PGAP4: variants seen among roughly 807,000 people sequenced by gnomAD.
PGAP4 encodes the protein GPI-N-acetylgalactosamine transferase PGAP4.
PGAP4 carries 12 observed loss-of-function variants against 28.2 expected under a neutral mutation model. The ratio of observed to expected loss-of-function variants is 0.42; its 90% CI spans 0.27 to 0.69. PGAP4 has a LOEUF of 0.69. Ranked by LOEUF, PGAP4 falls within the 30% of genes least tolerant of loss-of-function variation. The pLI, the probability that PGAP4 is intolerant of heterozygous loss-of-function variation, is 0.22. For synonymous variants in PGAP4, 205 were observed against 211.8 expected, an observed-to-expected ratio of 0.97 and a Z score of 0.28; for missense variants, 425 against 513.5, an observed-to-expected ratio of 0.83 and a Z score of 1.67.
chr9:101,492,384 A>G lies in PGAP4; in HGVS notation c.-164-3184T>C, dbSNP rs541824161. Among the ~76,000 whole-genome samples, 24 of 152,010 alleles carry G rather than the reference A, an allele frequency of 1.6e-4. 1 individual carries two copies. Among genetic ancestry groups the G allele is most frequent in the Admixed American group, 7.2e-4 (11 of 15,250 alleles). On this transcript the variant is annotated intron_variant, in intron 2 of 3. Coordinates refer to the PGAP4 transcript ENST00000374851. ...ATTTTTTGTATTTTTAGTAGAGACC[A>G]GGTTTCACTGTGTTAGCCAGGATGG...
rs1177246406 is a variant in PGAP4, at chr9:101,474,168, T to C, written c.*1713A>G. 6.6e-6 allele frequency: 1 copy of C among 152,240 alleles called. No individual in the cohort carries two copies. Among genetic ancestry groups the C allele is most frequent in the Non-Finnish European group, 1.5e-5 (1 of 68,044 alleles). 9.4% of individuals were successfully genotyped at this position (152,240 alleles called of 1,614,324 possible). A position where few individuals can be genotyped will look rare whatever the true frequency, so the allele number is the denominator to read the frequency against. On this transcript the variant is annotated 3_prime_UTR_variant, in exon 2 of 2. Coordinates refer to ENST00000374848, the MANE Select transcript of PGAP4 (RefSeq NM_032342.3). ...AGTCAGAAGAGCTCCGTTCCCATTT[T>C]GGCTATGCTGCTGTTCAGGTTTGTG...
At chr9:101,503,291 TG>T (rs35914156) in intron 2 of PGAP4, among the ~76,000 whole-genome samples, 3 of 152,078 alleles carry the variant, frequency 2.0e-5, no homozygotes, top group Non-Finnish European at 4.4e-5. Context: ...TTGGTCACCA[TG>T]GAGCCTCAAT....
intron 2 of PGAP4, among the ~76,000 whole-genome samples, chr9:101,498,557 T>G (rs1826771755): frequency 6.6e-6 from 1 of 151,814 alleles, no homozygotes. Flanking sequence ...CAGTGAGTTT[T>G]ATTTCACCAC....
At chr9:101,530,627 G>T (rs1827080069) in intron 2 of PGAP4, among the ~76,000 whole-genome samples, 1 of 152,200 alleles carries the variant, frequency 6.6e-6, no homozygotes, top group Admixed American at 6.5e-5. Context: ...GGTCAGAAAT[G>T]AATGGGGAAT....
intron 2 of PGAP4, among the ~76,000 whole-genome samples, chr9:101,516,229 A>T (rs1234022854): frequency 6.6e-6 from 1 of 152,034 alleles, no homozygotes; most frequent in South Asian, 2.1e-4. Context: ...TAAATTCGTG[A>T]TGATATTCCC....
At chr9:101,516,847 G>A (rs1705923182) in intron 2 of PGAP4, among the ~76,000 whole-genome samples, 2 of 152,012 alleles carry the variant, frequency 1.3e-5, no homozygotes, top group South Asian at 4.2e-4. Context: ...GTTATCACTG[G>A]GAGACAATGA....
chr9:101,516,112 G>T (rs1307436980), intron 2 of PGAP4, among the ~76,000 whole-genome samples: 2 of 152,156 alleles, frequency 1.3e-5, no homozygotes, highest in East Asian at 3.9e-4. Flanking sequence ...AATAATGCTT[G>T]CTTTCTTTAC....
intron 2 of PGAP4, among the ~76,000 whole-genome samples, chr9:101,510,385 T>G (rs1826886626): frequency 6.7e-6 from 1 of 148,384 alleles, no homozygotes; most frequent in African/African-American, 2.5e-5. Flanking sequence ...ATGTTCATGT[T>G]TTTTTTTTCT....
chr9:101,484,259 C>G (rs1007027126), intron 1 of PGAP4, among the ~76,000 whole-genome samples: 2 of 150,394 alleles, frequency 1.3e-5, no homozygotes, highest in Non-Finnish European at 3.0e-5. Flanking sequence ...GGAAAGAAGA[C>G]AGAAAGAGAG....
At chr9:101,527,488 T>C (rs1007884591) in intron 2 of PGAP4, among the ~76,000 whole-genome samples, 3 of 152,140 alleles carry the variant, frequency 2.0e-5, no homozygotes, top group Admixed American at 2.0e-4. Flanking sequence ...CCCTTATTGA[T>C]CCTAGAATAA....
chr9:101,491,429 G>A (rs1293342740), upstream of PGAP4, among the ~76,000 whole-genome samples: 11 of 152,070 alleles, frequency 7.2e-5, no homozygotes, highest in Admixed American at 2.6e-4. Context: ...AGCAAAATCA[G>A]CACATTATTG....
At chr9:101,482,173 C>T (rs1192927099) in intron 1 of PGAP4, among the ~76,000 whole-genome samples, 6 of 152,208 alleles carry the variant, frequency 3.9e-5, no homozygotes, top group Non-Finnish European at 8.8e-5. Context: ...TTCAACCAGG[C>T]GCGGTGGCTC....
In PGAP4 at chr9:101,487,063, G is replaced by A. The variant is rs1826634664; in HGVS notation, c.-192C>T. 1.3e-5 allele frequency: 2 copies of A among 152,358 alleles called. No homozygotes were observed. The highest frequency in any genetic ancestry group is 1.5e-5 in the Non-Finnish European group (1 of 68,136). The allele number at this position is 152,358 out of a possible 1,614,324, so 9.4% of individuals were successfully genotyped here. On this transcript the variant is annotated 5_prime_UTR_variant, in exon 1 of 2. Transcript: ENST00000374848. ...CCATCTCCGGGGCCCGGAAGGAGCG[G>A]GCGCAGCGCGGTTTGGGTGTGCGCC... is the stretch of plus-strand genomic sequence containing the variant.
At chr9:101,488,828 T>C (rs1826658129), upstream of PGAP4, among the ~76,000 whole-genome samples, 1 of 152,212 alleles carries the variant, frequency 6.6e-6, no homozygotes, top group Non-Finnish European at 1.5e-5. Context: ...AGTACAGCTA[T>C]AGAACATCCC....
At chr9:101,498,544 T>C (rs1007517630) in intron 2 of PGAP4, among the ~76,000 whole-genome samples, 1 of 151,596 alleles carries the variant, frequency 6.6e-6, no homozygotes, top group African/African-American at 2.4e-5. Flanking sequence ...AGCAGTGAGA[T>C]AGCAGTGAGT....
At chr9:101,482,301 C>T (rs1424660558) in intron 1 of PGAP4, among the ~76,000 whole-genome samples, 1 of 152,146 alleles carries the variant, frequency 6.6e-6, no homozygotes. Context: ...CAATAATTAG[C>T]TGGGTGTGGT....
intron 2 of PGAP4, among the ~76,000 whole-genome samples, chr9:101,496,848 TG>T (rs1470787824): frequency 1.3e-5 from 2 of 150,738 alleles, no homozygotes; most frequent in Non-Finnish European, 3.0e-5. Flanking sequence ...TTGTTTTTAT[TG>T]TTTTTTAATC....
At chr9:101,508,395 C>G (rs546512888) in intron 2 of PGAP4, among the ~76,000 whole-genome samples, 3 of 152,026 alleles carry the variant, frequency 2.0e-5, no homozygotes, top group African/African-American at 7.2e-5. Context: ...TCTGCAGGCA[C>G]GTCAATAAAA....
At chr9:101,511,211 TG>T (rs1032957868) in intron 2 of PGAP4, among the ~76,000 whole-genome samples, 2 of 152,102 alleles carry the variant, frequency 1.3e-5, no homozygotes, top group Non-Finnish European at 2.9e-5. Context: ...ATACAAGTGA[TG>T]GGGAGTGGCT....
Sources: allele counts gnomAD v4.1 joint callset (sites outside exome capture counted in the v4.1 genomes callset), GRCh38; gene constraint gnomAD v4.1.1; transcripts MANE v1.5; gene names NCBI Gene and HGNC (gene_info 2026-07-23, HGNC 2026-07-21).